The following TMEM217B variants were observed in gnomAD, a reference collection of about 807,000 sequenced individuals.
The protein encoded by TMEM217B is transmembrane protein 217B, also known as putative transmembrane protein 217B.
the TMEM217B span, among the ~76,000 whole-genome samples, chr6:37,243,593 GGTTTTGTTTT>G: frequency 1.3e-5 from 2 of 152,096 alleles, no homozygotes; most frequent in Non-Finnish European, 2.9e-5. Context: ...CAGAGGTTAG[GGTTTTGTTTT>G]GTTTTGTTTT....
At chr6:37,214,993 A>T in the TMEM217B span, among the ~76,000 whole-genome samples, 1 of 152,210 alleles carries the variant, frequency 6.6e-6, no homozygotes, top group Non-Finnish European at 1.5e-5. Flanking sequence ...GCCCTGAACC[A>T]CACAGTTTTC....
chr6:37,238,097 G>T, the TMEM217B span, among the ~76,000 whole-genome samples: 1 of 151,596 alleles, frequency 6.6e-6, no homozygotes, highest in African/African-American at 2.4e-5. Flanking sequence ...ATGGACCAAT[G>T]AGGGTATGTC....
chr6:37,226,237 CTT>C, the TMEM217B span, among the ~76,000 whole-genome samples: 1 of 134,138 alleles, frequency 7.5e-6, no homozygotes, highest in African/African-American at 2.8e-5. Flanking sequence ...TCACCATTCT[CTT>C]TTTTTGTTTT....
chr6:37,216,436 G>C, the TMEM217B span, among the ~76,000 whole-genome samples: 75 of 152,212 alleles, frequency 4.9e-4, no homozygotes, highest in Non-Finnish European at 5.6e-4. Flanking sequence ...GTCAGAAAGG[G>C]AGCAAAGGTG....
chr6:37,215,997 GTGT>G, the TMEM217B span, among the ~76,000 whole-genome samples: 1 of 15,280 alleles, frequency 6.5e-5, no homozygotes, highest in Non-Finnish European at 1.2e-4. Context: ...TCTTCAGGGT[GTGT>G]GTGTGTGTGT....
At chr6:37,237,261 G>T in the TMEM217B span, among the ~76,000 whole-genome samples, 16 of 152,062 alleles carry the variant, frequency 1.1e-4, no homozygotes, top group Admixed American at 2.6e-4. Flanking sequence ...GGTTGCCCAG[G>T]GAAACAAAAG....
At chr6:37,220,624 C>T in the TMEM217B span, among the ~76,000 whole-genome samples, 8 of 151,364 alleles carry the variant, frequency 5.3e-5, no homozygotes, top group Non-Finnish European at 8.8e-5. Flanking sequence ...TGTTTAAAGT[C>T]GTCCTAAACT....
chr6:37,230,324 G>T, the TMEM217B span, among the ~76,000 whole-genome samples: 1 of 152,096 alleles, frequency 6.6e-6, no homozygotes. Context: ...TCCCTTTTGC[G>T]TACTCACAGG....
At chr6:37,228,476 G>A in the TMEM217B span, among the ~76,000 whole-genome samples, 1 of 152,212 alleles carries the variant, frequency 6.6e-6, no homozygotes, top group Non-Finnish European at 1.5e-5. Context: ...GACCAAGGTG[G>A]GTGGATCACC....
the TMEM217B span, among the ~76,000 whole-genome samples, chr6:37,248,646 T>C: frequency 1.3e-5 from 2 of 152,202 alleles, no homozygotes; most frequent in Non-Finnish European, 2.9e-5. Context: ...ATTTTCAATG[T>C]TCCTGCCAAT....
chr6:37,234,283 C>T, the TMEM217B span, among the ~76,000 whole-genome samples: 12 of 151,872 alleles, frequency 7.9e-5, no homozygotes, highest in African/African-American at 2.7e-4. Flanking sequence ...TATTTTTAGT[C>T]GAGGTGGGGT....
chr6:37,212,412 G>C, the TMEM217B span: 1 of 403,558 alleles, frequency 2.5e-6, no homozygotes, highest in Non-Finnish European at 5.0e-6. Context: ...CATCTGGCAT[G>C]GTTCAGTTTA....
the TMEM217B span, among the ~76,000 whole-genome samples, chr6:37,246,323 T>C: frequency 1.3e-5 from 2 of 152,006 alleles, no homozygotes; most frequent in Non-Finnish European, 2.9e-5. Context: ...TGGATTTTTG[T>C]CTGCTCCCAC....
chr6:37,254,206 G>C, the TMEM217B span, among the ~76,000 whole-genome samples: 1 of 152,148 alleles, frequency 6.6e-6, no homozygotes, highest in Non-Finnish European at 1.5e-5. Context: ...TCAGAATCTA[G>C]GTTTTTAATA....
At chr6:37,257,869 G>T in the TMEM217B span, 1 of 1,596,672 alleles carries the variant, frequency 6.3e-7, no homozygotes, top group Non-Finnish European at 8.5e-7. Flanking sequence ...GGGGCATCTC[G>T]CCGGGCAAAC....
At chr6:37,229,345 T>TTTTTTG in the TMEM217B span, among the ~76,000 whole-genome samples, 4 of 128,698 alleles carry the variant, frequency 3.1e-5, 1 homozygote, top group African/African-American at 1.2e-4. Flanking sequence ...GTTTTTTTTT[T>TTTTTTG]TTTTTTTTTT....
At chr6:37,257,896 A>G in the TMEM217B span, 1 of 1,612,566 alleles carries the variant, frequency 6.2e-7, no homozygotes, top group South Asian at 1.1e-5. Context: ...CCCGCCTACA[A>G]GGACTTCCCC....
chr6:37,251,960 C>A, the TMEM217B span, among the ~76,000 whole-genome samples: 1,530 of 152,250 alleles, frequency 0.01, 34 homozygotes, highest in African/African-American at 0.035. Context: ...ATGGCACAAT[C>A]TCGGCTCACT....
chr6:37,245,240 AT>A, the TMEM217B span, among the ~76,000 whole-genome samples: 1 of 151,718 alleles, frequency 6.6e-6, no homozygotes, highest in Non-Finnish European at 1.5e-5. Flanking sequence ...TAGCCCCAAC[AT>A]CATAACACAG....
Sources: allele counts gnomAD v4.1 joint callset (sites outside exome capture counted in the v4.1 genomes callset), GRCh38; gene constraint gnomAD v4.1.1; transcripts MANE v1.5; gene names NCBI Gene and HGNC (gene_info 2026-07-23, HGNC 2026-07-21).